Variants in BTRC observed in about 807,000 individuals in gnomAD.
BTRC encodes F-box/WD repeat-containing protein 1A.
A neutral mutation model predicts 85.5 loss-of-function variants in BTRC; 42 were observed. The ratio of observed to expected loss-of-function variants is 0.49; its 90% CI spans 0.38 to 0.64. The LOEUF (loss-of-function observed/expected upper bound fraction) is 0.64, where lower values mean the gene tolerates loss of function less well. BTRC is among the 30% of genes least tolerant of loss of function. The probability of loss-of-function intolerance (pLI) is 0.00; values close to 1 mark genes in which losing one functional copy is unlikely to be tolerated. For synonymous variants in BTRC, 255 were observed against 263.3 expected, an observed-to-expected ratio of 0.97 and a Z score of 0.30; for missense variants, 594 against 743.5, an observed-to-expected ratio of 0.80 and a Z score of 2.34.
chr10:101,523,441 T>C (rs988040819), intron 5 of BTRC, among the ~76,000 whole-genome samples: 2 of 151,984 alleles, frequency 1.3e-5, no homozygotes, highest in African/African-American at 4.8e-5. Flanking sequence ...TTCAGGAAAA[T>C]AGGAGTCTTG....
At chr10:101,442,926 C>G (rs978077113) in intron 2 of BTRC, among the ~76,000 whole-genome samples, 14 of 132,948 alleles carry the variant, frequency 1.1e-4, no homozygotes, top group African/African-American at 4.2e-4. Flanking sequence ...GAGTCTCGCT[C>G]TGTCACCCAG....
chr10:101,460,610 A>G (rs573191552), intron 2 of BTRC, among the ~76,000 whole-genome samples: 24 of 152,348 alleles, frequency 1.6e-4, no homozygotes, highest in South Asian at 8.3e-4. Flanking sequence ...CAGGCTTACT[A>G]AAGGTGACAC....
chr10:101,504,305 G>C (rs1946463138), intron 4 of BTRC, among the ~76,000 whole-genome samples: 1 of 152,166 alleles, frequency 6.6e-6, no homozygotes, highest in Non-Finnish European at 1.5e-5. Flanking sequence ...TTGTGTGGGA[G>C]AGGATGTTTG....
At chr10:101,410,676 T>G (rs1017841808) in intron 1 of BTRC, among the ~76,000 whole-genome samples, 4 of 149,246 alleles carry the variant, frequency 2.7e-5, no homozygotes, top group Admixed American at 2.1e-4. Context: ...TTTCAGTTAT[T>G]TTGCCCATTT....
At chr10:101,449,541 A>G (rs1944907867) in intron 2 of BTRC, among the ~76,000 whole-genome samples, 1 of 152,172 alleles carries the variant, frequency 6.6e-6, no homozygotes, top group Non-Finnish European at 1.5e-5. Flanking sequence ...CAGCAAAGAA[A>G]ATCATGGCAC....
chr10:101,388,666 A>G (rs1486392094), intron 1 of BTRC, among the ~76,000 whole-genome samples: 1 of 151,470 alleles, frequency 6.6e-6, no homozygotes, highest in African/African-American at 2.4e-5. Flanking sequence ...ATTTTTTTGC[A>G]TTTTTGTAGA....
rs549051992 is a variant in BTRC, at chr10:101,534,641, A to T, written c.1098-20A>T. 9.3e-6 allele frequency: 15 copies of T among 1,613,768 alleles called. No individual in the cohort carries two copies. The African/African-American group carries it at 1.1e-4, about 11-fold the overall frequency. ...AGATTGTAGCTTGAGTACCATCTAAATCTCATCTATCACTTCCAGAGTGTG... is the reference window on the plus strand; with the variant it reads ...AGATTGTAGCTTGAGTACCATCTAATTCTCATCTATCACTTCCAGAGTGTG... On this transcript the variant is annotated intron_variant, in intron 9 of 14. Transcript: ENST00000370187.
chr10:101,354,471 A>G, intron 1 of BTRC: 1 of 513,458 alleles, frequency 1.9e-6, no homozygotes, highest in Non-Finnish European at 3.4e-6. Flanking sequence ...GCGGGAGCTT[A>G]ATCGAGGAGG....
At chr10:101,481,096 T>A (rs1349083130) in intron 4 of BTRC, among the ~76,000 whole-genome samples, 1 of 151,822 alleles carries the variant, frequency 6.6e-6, no homozygotes, top group Non-Finnish European at 1.5e-5. Flanking sequence ...TAATTTTTGG[T>A]TTTCGGTTTT....
chr10:101,380,447 C>T (rs892640769), intron 1 of BTRC, among the ~76,000 whole-genome samples: 2 of 151,736 alleles, frequency 1.3e-5, no homozygotes, highest in Non-Finnish European at 2.9e-5. Flanking sequence ...AAAGATCACA[C>T]ACAAGGCTGT....
intron 1 of BTRC, among the ~76,000 whole-genome samples, chr10:101,406,177 A>G (rs1943614463): frequency 6.6e-6 from 1 of 150,942 alleles, no homozygotes; most frequent in Non-Finnish European, 1.5e-5. Flanking sequence ...ATTACTGCTT[A>G]TACTTTTTTT....
At chr10:101,470,671 A>G (rs1945501118) in intron 3 of BTRC, among the ~76,000 whole-genome samples, 1 of 152,146 alleles carries the variant, frequency 6.6e-6, no homozygotes, top group African/African-American at 2.4e-5. Context: ...GGTCCTACCT[A>G]AGAAATCTTT....
intron 4 of BTRC, among the ~76,000 whole-genome samples, chr10:101,499,488 A>G (rs1419044856): frequency 6.6e-6 from 1 of 151,904 alleles, no homozygotes; most frequent in Non-Finnish European, 1.5e-5. Context: ...TCGGCCTCCC[A>G]AAGTGCTAGG....
chr10:101,371,259 G>A (rs527455455), intron 1 of BTRC, among the ~76,000 whole-genome samples: 2 of 151,960 alleles, frequency 1.3e-5, no homozygotes, highest in Admixed American at 6.6e-5. Flanking sequence ...CACCATCTTG[G>A]CTCACTGCAG....
intron 6 of BTRC, among the ~76,000 whole-genome samples, chr10:101,527,850 GTTTTTT>G (rs1313030339): frequency 6.6e-6 from 1 of 151,082 alleles, no homozygotes; most frequent in African/African-American, 2.4e-5. Context: ...TCTCAAATAT[GTTTTTT>G]AATTCTTATT....
At chr10:101,477,939 C>T (rs1481887359) in intron 3 of BTRC, among the ~76,000 whole-genome samples, 3 of 152,100 alleles carry the variant, frequency 2.0e-5, no homozygotes, top group South Asian at 2.1e-4. Context: ...TATGAGCCAC[C>T]GCACCTGGCC....
chr10:101,532,437 G>A lies in BTRC; in HGVS notation c.978+5G>A. 6.2e-7 allele frequency: 1 copy of A among 1,604,072 alleles called. No individual in the cohort carries two copies. The highest frequency in any genetic ancestry group is 8.5e-7 in the Non-Finnish European group (1 of 1,175,746). On this transcript the variant is annotated splice_donor_5th_base_variant and intron_variant, in intron 8 of 14. Transcript: ENST00000370187. The stretch of plus-strand genomic sequence containing the variant: ...CTTCGAGACAACACAATCAAGGTGA[G>A]GTCTATTCAGTTGTAGAAAGGTAGC...
At chr10:101,549,058 A>C (rs2062603889) in intron 13 of BTRC, among the ~76,000 whole-genome samples, 1 of 151,938 alleles carries the variant, frequency 6.6e-6, no homozygotes, top group African/African-American at 2.4e-5. Context: ...GTCTCAAAAA[A>C]AAAAAAGCCA....
intron 1 of BTRC, among the ~76,000 whole-genome samples, chr10:101,357,527 T>C (rs78121916): frequency 2.6e-5 from 4 of 151,732 alleles, no homozygotes; most frequent in East Asian, 3.9e-4. Flanking sequence ...ATCCTTTTAA[T>C]CAAACGGGCA....
Sources: gnomAD v4.1 joint callset for allele counts (sites outside exome capture counted in the v4.1 genomes callset) on GRCh38, gnomAD v4.1.1 for gene constraint, MANE v1.5 for transcripts, NCBI Gene and HGNC (gene_info 2026-07-23, HGNC 2026-07-21) for gene names.